ZNF33B: variants seen among roughly 807,000 people sequenced by gnomAD.
The protein encoded by ZNF33B is zinc finger protein 11b (KOX 2).
Under a neutral mutation model 45.8 loss-of-function variants are expected in ZNF33B, and 29 were observed. That is an observed-to-expected ratio of 0.63 (90% CI 0.47 to 0.86). The LOEUF (loss-of-function observed/expected upper bound fraction) is 0.86, where lower values mean the gene tolerates loss of function less well. ZNF33B is among the 40% of genes least tolerant of loss of function. The pLI is 0.00. For missense variants in ZNF33B, 831 were observed against 909.9 expected (o/e 0.91, Z 1.12); for synonymous variants, 305 against 307.8 (o/e 0.99, Z 0.10).
At chr10:42,605,582 CAATAA>C (rs1333419031) in intron 4 of ZNF33B, among the ~76,000 whole-genome samples, 1 of 151,816 alleles carries the variant, frequency 6.6e-6, no homozygotes, top group Non-Finnish European at 1.5e-5. Flanking sequence ...AGTAGACTAA[CAATAA>C]AAGAAAGAAA....
At chr10:42,584,212 C>T (rs1203641016), downstream of ZNF33B, among the ~76,000 whole-genome samples, 1 of 152,204 alleles carries the variant, frequency 6.6e-6, no homozygotes, top group Non-Finnish European at 1.5e-5. Context: ...GGTACTCTCA[C>T]CCACTTAGTC....
chr10:42,585,241 G>A (rs529151005), downstream of ZNF33B, among the ~76,000 whole-genome samples: 38 of 152,306 alleles, frequency 2.5e-4, 1 homozygote, highest in South Asian at 7.9e-3. Flanking sequence ...CGGACACCAG[G>A]CAGTGGATAC....
At chr10:42,618,399 T>G (rs887159430) in intron 4 of ZNF33B, among the ~76,000 whole-genome samples, 2 of 152,200 alleles carry the variant, frequency 1.3e-5, no homozygotes, top group African/African-American at 2.4e-5. Flanking sequence ...TGCTATAAAA[T>G]TTTTTTGATG....
At chr10:42,619,340 G>A (rs1386581004) in intron 4 of ZNF33B, among the ~76,000 whole-genome samples, 1 of 152,138 alleles carries the variant, frequency 6.6e-6, no homozygotes, top group Admixed American at 6.5e-5. Context: ...ACAGATGGAT[G>A]ACATATATAA....
chr10:42,607,527 A>G (rs1034102221), intron 4 of ZNF33B, among the ~76,000 whole-genome samples: 1 of 152,148 alleles, frequency 6.6e-6, no homozygotes, highest in Admixed American at 6.6e-5. Context: ...CTCAAAACCT[A>G]TAAAAATAAT....
intron 4 of ZNF33B, among the ~76,000 whole-genome samples, chr10:42,627,980 T>A (rs1482345609): frequency 6.6e-6 from 1 of 152,178 alleles, no homozygotes; most frequent in Non-Finnish European, 1.5e-5. Context: ...CATGGACACT[T>A]GAGAAAAAAA....
intron 2 of ZNF33B, 41 bp downstream of exon 2, chr10:42,636,879 G>C: frequency 1.2e-6 from 2 of 1,613,564 alleles, no homozygotes; most frequent in South Asian, 1.1e-5. Flanking sequence ...ATCTCACAAA[G>C]TCCACCGCAA....
chr10:42,631,750 T>G, intron 4 of ZNF33B, 179 bp downstream of exon 4: 1 of 572,962 alleles, frequency 1.7e-6, no homozygotes, highest in South Asian at 2.8e-5. Context: ...AAAGGAAAAA[T>G]TTTTTGTGAG....
chr10:42,618,534 T>C (rs1838430275), intron 4 of ZNF33B, among the ~76,000 whole-genome samples: 1 of 152,256 alleles, frequency 6.6e-6, no homozygotes, highest in Non-Finnish European at 1.5e-5. Flanking sequence ...TGTAGCATTT[T>C]ACTTACCATC....
chr10:42,588,286 A>G (rs1836978105), downstream of ZNF33B, among the ~76,000 whole-genome samples: 1 of 152,232 alleles, frequency 6.6e-6, no homozygotes, highest in African/African-American at 2.4e-5. Context: ...TAGGATGGGA[A>G]GAGATGTGAC....
intron 4 of ZNF33B, among the ~76,000 whole-genome samples, chr10:42,612,870 G>A (rs1838159673): frequency 6.6e-6 from 1 of 152,012 alleles, no homozygotes; most frequent in Non-Finnish European, 1.5e-5. Flanking sequence ...AAAGCTTTAT[G>A]GATTCAATTT....
intron 1 of ZNF33B, among the ~76,000 whole-genome samples, chr10:42,577,132 C>CAA (rs71014272): frequency 0.02 from 1,603 of 79,244 alleles, 38 homozygotes; most frequent in East Asian, 0.039. Context: ...GACTCCATCT[C>CAA]AAAAAAAAAA....
chr10:42,637,080 G>A (rs541522006), intron 1 of ZNF33B, 108 bp from the exon 2 acceptor site: 15 of 1,042,982 alleles, frequency 1.4e-5, no homozygotes, highest in East Asian at 4.8e-5. Context: ...AAAATGCTCC[G>A]TCTGGGAGAA....
At chr10:42,597,414 T>C (rs761426579) in intron 4 of ZNF33B, among the ~76,000 whole-genome samples, 7 of 152,276 alleles carry the variant, frequency 4.6e-5, no homozygotes, top group South Asian at 2.1e-4. Flanking sequence ...AGTTTTGTTG[T>C]AATAAACTTT....
At chr10:42,621,955 AAG>A in intron 4 of ZNF33B, among the ~76,000 whole-genome samples, 1 of 152,342 alleles carries the variant, frequency 6.6e-6, no homozygotes, top group African/African-American at 2.4e-5. Flanking sequence ...AACTACAAGA[AAG>A]ATACTATAGC....
At chr10:42,627,910 C>A (rs1307247148) in intron 4 of ZNF33B, among the ~76,000 whole-genome samples, 1 of 152,170 alleles carries the variant, frequency 6.6e-6, no homozygotes, top group African/African-American at 2.4e-5. Flanking sequence ...GATTTCAATT[C>A]TTTTAAATCT....
Position 42,594,134 on chromosome 10 carries a change from G to C in ZNF33B, c.816C>G (p.Asp272Glu), listed in dbSNP as rs1390161369. 6.2e-7 allele frequency: 1 copy of C among 1,613,960 alleles called. No individual in the cohort carries two copies. The highest frequency in any genetic ancestry group is 1.1e-5 in the South Asian group (1 of 91,074). Reference protein sequence around the residue: ...LLFHQIPPSKDSHYEFSDCEK... With the variant: ...LLFHQIPPSKESHYEFSDCEK... The stretch of plus-strand genomic sequence containing the variant: ...CACAATCACTAAATTCATAGTGACT[G>C]TCCTTTGATGGAGGTATCTGATGGA... The change falls in exon 5 of 5, where the codon GAC becomes GAG. Residue 272 changes from aspartate (D) to glutamate (E), a missense_variant. Coordinates refer to ENST00000359467, the MANE Select transcript of ZNF33B (RefSeq NM_006955.3).
chr10:42,584,905 C>T (rs1028602732), downstream of ZNF33B, among the ~76,000 whole-genome samples: 2 of 152,154 alleles, frequency 1.3e-5, no homozygotes, highest in African/African-American at 2.4e-5. Flanking sequence ...ACAGGAGAAC[C>T]CTCCATGGCC....
At chr10:42,607,254 T>C (rs1302294330) in intron 4 of ZNF33B, among the ~76,000 whole-genome samples, 1 of 152,030 alleles carries the variant, frequency 6.6e-6, no homozygotes, top group Non-Finnish European at 1.5e-5. Flanking sequence ...GAGCAACCAC[T>C]AGGTAAATAA....
Sources: allele counts gnomAD v4.1 joint callset (sites outside exome capture counted in the v4.1 genomes callset), GRCh38; gene constraint gnomAD v4.1.1; transcripts MANE v1.5; gene names NCBI Gene and HGNC (gene_info 2026-07-23, HGNC 2026-07-21).